Variants in BRF1 observed in about 807,000 individuals in gnomAD.
BRF1 encodes BRF1 general transcription factor IIIB subunit.
BRF1 carries 59 observed loss-of-function variants against 81.7 expected under a neutral mutation model. The observed-to-expected ratio is 0.72, with a 90% CI of 0.59 to 0.90. BRF1 has a LOEUF of 0.90. Among genes scored for constraint, BRF1 ranks in the 40% least tolerant of loss-of-function variants. The probability of loss-of-function intolerance (pLI) is 0.00; values close to 1 mark genes in which losing one functional copy is unlikely to be tolerated. For missense variants in BRF1, 1,050 were observed against 936.3 expected (o/e 1.12, Z -1.58); for synonymous variants, 491 against 395.6 (o/e 1.24, Z -2.86).
intron 13 of BRF1, 23 bp downstream of exon 13, chr14:105,219,128 G>T: frequency 6.2e-7 from 1 of 1,612,928 alleles, no homozygotes; most frequent in Non-Finnish European, 8.5e-7. Context: ...TCCTGCGTGT[G>T]AGTGTGGGCG....
At chr14:105,241,543 C>G in intron 5 of BRF1, 129 bp from the exon 6 acceptor site, 1 of 1,238,034 alleles carries the variant, frequency 8.1e-7, no homozygotes. Flanking sequence ...CACCAGTTCC[C>G]CTCCCCTGGA....
intron 3 of BRF1, among the ~76,000 whole-genome samples, chr14:105,260,956 T>A (rs760925442): frequency 2.2e-4 from 34 of 152,226 alleles, no homozygotes; most frequent in Non-Finnish European, 4.1e-4. Context: ...CCCCAGCTAA[T>A]GAGCTCCCAG....
intron 5 of BRF1, chr14:105,249,646 G>A (rs2055463197): frequency 1.2e-6 from 2 of 1,611,168 alleles, no homozygotes; most frequent in African/African-American, 2.7e-5. Context: ...CTAGGTACAT[G>A]TACAGTGATG....
At chr14:105,257,252 TC>T (rs1379511011) in intron 3 of BRF1, among the ~76,000 whole-genome samples, 1 of 152,130 alleles carries the variant, frequency 6.6e-6, no homozygotes, top group Non-Finnish European at 1.5e-5. Context: ...AGTGCACATC[TC>T]CCATGGGCCC....
chr14:105,225,044 C>G (rs760721054), intron 10 of BRF1, among the ~76,000 whole-genome samples: 1 of 152,240 alleles, frequency 6.6e-6, no homozygotes, highest in Admixed American at 6.5e-5. Flanking sequence ...CAAGTGGGCC[C>G]AGGCCGCAGG....
intron 10 of BRF1, among the ~76,000 whole-genome samples, chr14:105,225,547 G>A (rs1447116014): frequency 6.6e-6 from 1 of 152,140 alleles, no homozygotes; most frequent in Non-Finnish European, 1.5e-5. Context: ...ATCAATGACA[G>A]GTAGCAGGCC....
intron 5 of BRF1, chr14:105,249,179 G>T: frequency 6.3e-7 from 1 of 1,586,804 alleles, no homozygotes; most frequent in Non-Finnish European, 8.5e-7. Flanking sequence ...GTTCAACAAC[G>T]AGCTCATGGC....
chr14:105,250,199 A>G (rs2055517798), intron 5 of BRF1: 1 of 1,612,936 alleles, frequency 6.2e-7, no homozygotes, highest in Non-Finnish European at 8.5e-7. Flanking sequence ...TCCCCTGACC[A>G]AGAGGAAGGG....
At chr14:105,288,062 G>C (rs2057379940) in intron 1 of BRF1, among the ~76,000 whole-genome samples, 4 of 152,206 alleles carry the variant, frequency 2.6e-5, no homozygotes, top group Admixed American at 2.6e-4. Flanking sequence ...CCGGGACGGG[G>C]GCAGTGCCTG....
intron 5 of BRF1, among the ~76,000 whole-genome samples, chr14:105,243,454 T>TAA (rs1286861012): frequency 2.4e-5 from 3 of 125,438 alleles, no homozygotes; most frequent in East Asian, 2.1e-4. Flanking sequence ...CTCTGTCTCT[T>TAA]AAAAAAAAAA....
At chr14:105,250,372 C>A in intron 5 of BRF1, 1 of 1,613,674 alleles carries the variant, frequency 6.2e-7, no homozygotes, top group Non-Finnish European at 8.5e-7. Context: ...CTGAGTACAG[C>A]GTGAAGATTG....
chr14:105,246,132 C>T (rs375712224), intron 5 of BRF1, among the ~76,000 whole-genome samples: 1 of 151,722 alleles, frequency 6.6e-6, no homozygotes, highest in Non-Finnish European at 1.5e-5. Flanking sequence ...GGCTGAGGCA[C>T]AAGAATCGCT....
At chr14:105,314,931 G>A in intron 1 of BRF1, 3 of 1,101,176 alleles carry the variant, frequency 2.7e-6, no homozygotes, top group East Asian at 7.5e-5. Context: ...GGCCGAGCGA[G>A]GCCGCCTCGG....
intron 3 of BRF1, among the ~76,000 whole-genome samples, chr14:105,267,481 T>C (rs2056470925): frequency 6.6e-6 from 1 of 152,040 alleles, no homozygotes; most frequent in Non-Finnish European, 1.5e-5. Context: ...TTTTTTGTTT[T>C]CTTTTTCTTT....
chr14:105,308,481 C>CTTTT (rs1227708197), intron 1 of BRF1, among the ~76,000 whole-genome samples: 6 of 124,590 alleles, frequency 4.8e-5, no homozygotes, highest in African/African-American at 1.9e-4. Flanking sequence ...CAGATTCTGT[C>CTTTT]TTTTTTTTTT....
chr14:105,219,352 T>A, intron 12 of BRF1, 120 bp from the exon 13 acceptor site: 1 of 1,529,024 alleles, frequency 6.5e-7, no homozygotes, highest in Admixed American at 2.0e-5. Context: ...CGGGGCAGCC[T>A]CTATTTAGTG....
intron 2 of BRF1, among the ~76,000 whole-genome samples, chr14:105,273,136 T>A (rs2056730155): frequency 1.3e-5 from 2 of 152,196 alleles, no homozygotes; most frequent in South Asian, 4.1e-4. Context: ...AGGCTCTGAG[T>A]GGCGTGTGCG....
At position 105,281,485 on chromosome 14, in the gene BRF1, G is replaced by C. The variant is rs895621646; in HGVS notation, c.265+4811C>G. On this transcript the variant is annotated intron_variant, in intron 2 of 17. Coordinates refer to ENST00000547530, the MANE Select transcript of BRF1 (RefSeq NM_001519.4). ...ACAGCCTGCGTGACCCTGAGCCCAG[G>C]TGTGCGGATACAGCCTGCGTGACCC... is the stretch of plus-strand genomic sequence containing the variant. Among the ~76,000 whole-genome samples, 8 of 150,856 alleles carry C rather than the reference G, an allele frequency of 5.3e-5. No individual in the cohort carries two copies. In the East Asian group the frequency reaches 1.6e-3, roughly 29 times the overall value.
At chr14:105,287,070 G>A (rs937942993) in intron 1 of BRF1, among the ~76,000 whole-genome samples, 4 of 152,300 alleles carry the variant, frequency 2.6e-5, no homozygotes, top group East Asian at 3.9e-4. Context: ...AGGCCCCCAC[G>A]CCTCAGTCCA....
Sources: allele counts gnomAD v4.1 joint callset (sites outside exome capture counted in the v4.1 genomes callset), GRCh38; gene constraint gnomAD v4.1.1; transcripts MANE v1.5; gene names NCBI Gene and HGNC (gene_info 2026-07-23, HGNC 2026-07-21).